Variants in TUBGCP6 observed in about 807,000 individuals in gnomAD.
The protein encoded by TUBGCP6 is gamma-tubulin complex component 6.
TUBGCP6 carries 161 observed loss-of-function variants against 175.8 expected under a neutral mutation model. That is an observed-to-expected ratio of 0.92 (90% CI 0.81 to 1.04). TUBGCP6 has a LOEUF of 1.04. Ranked by LOEUF, TUBGCP6 falls within the 50% of genes least tolerant of loss-of-function variation. The pLI, the probability that TUBGCP6 is intolerant of heterozygous loss-of-function variation, is 0.00. For missense variants in TUBGCP6, 2,572 were observed against 2,433.0 expected (o/e 1.06, Z -1.20); for synonymous variants, 1,173 against 1,030.5 (o/e 1.14, Z -2.65).
In TUBGCP6 at chr22:50,217,949, G is replaced by C. The variant is rs772441362; in HGVS notation, c.5337C>G (p.Thr1779=). The change falls in exon 24 of 25, where the codon ACC becomes ACG. Residue 1779 remains threonine (T), a synonymous_variant. Transcript: ENST00000248846. ...AGAGAAAGTGGGAGTAGTACTTGAA[G>C]GTGTTGTAGGACTGCTGCATGAGTG... The part of the protein sequence containing the change: ...NFALMQQSYN[T]FKYYSHFLFK... The C allele has an allele frequency of 1.2e-6, 2 of 1,609,122 alleles. No individual in the cohort carries two copies. The highest frequency in any genetic ancestry group is 1.7e-6 in the Non-Finnish European group (2 of 1,177,430).
rs143355923 is a variant in TUBGCP6, at chr22:50,222,039, C to T, written c.2473G>A (p.Val825Met). 3.7e-5 allele frequency: 59 copies of T among 1,613,742 alleles called. No homozygotes were observed. Among genetic ancestry groups the T allele is most frequent in the African/African-American group, 2.5e-4 (19 of 74,934 alleles). The stretch of plus-strand genomic sequence containing the variant: ...ACTCTGCCGCTTACCTGGGGGTGCA[C>T]GCTCAAGAGGACGTCTGGCGGCTCC... ...PQEPPDVLLSVHPQVTSPGPE... is the reference protein window; with the variant it reads ...PQEPPDVLLSMHPQVTSPGPE... Residue 825 changes from valine (V) to methionine (M), a missense_variant, in exon 15 of 25, where the codon GTG becomes ATG. Transcript: ENST00000248846.
chr22:50,226,435 G>A, intron 7 of TUBGCP6, 57 bp from the exon 8 acceptor site: 1 of 1,514,190 alleles, frequency 6.6e-7, no homozygotes, highest in Non-Finnish European at 9.0e-7. Flanking sequence ...GGTGGGGCGT[G>A]GCTGTCAGTG....
rs183909336 is a variant in TUBGCP6, at chr22:50,220,038, G to A, written c.4109-23C>T. 4.7e-4 allele frequency: 755 copies of A among 1,611,888 alleles called. 2 individuals are homozygous for A. The Middle Eastern group carries it at 9.7e-3, about 21-fold the overall frequency. The stretch of plus-strand genomic sequence containing the variant: ...GGCCTGTGTGGACACAAGTGGACAC[G>A]AGGGCATCAGGGCCGAGTGCCTGTG... On this transcript the variant is annotated intron_variant, in intron 16 of 24. Transcript: ENST00000248846.
intron 2 of TUBGCP6, among the ~76,000 whole-genome samples, chr22:50,236,114 G>C (rs192278680): frequency 2.0e-5 from 3 of 151,834 alleles, no homozygotes; most frequent in African/African-American, 7.3e-5. Flanking sequence ...AAAACCGTAA[G>C]AGATGGATAC....
chr22:50,242,864 C>A (rs2064856993), intron 1 of TUBGCP6, among the ~76,000 whole-genome samples: 1 of 152,170 alleles, frequency 6.6e-6, no homozygotes, highest in Non-Finnish European at 1.5e-5. Flanking sequence ...TAACGATATA[C>A]CCCATTAGGT....
At chr22:50,240,139 C>T (rs1452599082) in intron 2 of TUBGCP6, 65 bp downstream of exon 2, 1 of 1,601,912 alleles carries the variant, frequency 6.2e-7, no homozygotes, top group East Asian at 2.3e-5. Context: ...CCCACACACC[C>T]CATCCAAGGC....
chr22:50,225,558 C>G (rs2147186928), intron 10 of TUBGCP6, among the ~76,000 whole-genome samples: 1 of 144,032 alleles, frequency 6.9e-6, no homozygotes, highest in Non-Finnish European at 1.5e-5. Context: ...TGGCATCTGG[C>G]TCCGGACATT....
intron 2 of TUBGCP6, among the ~76,000 whole-genome samples, chr22:50,234,142 C>T (rs370524063): frequency 8.0e-5 from 12 of 150,278 alleles, no homozygotes; most frequent in East Asian, 4.0e-4. Context: ...ATCCACACCC[C>T]TATCCACAGC....
intron 13 of TUBGCP6, chr22:50,223,780 CAAAAAA>C (rs34989677): frequency 1.7e-4 from 11 of 64,304 alleles, no homozygotes; most frequent in East Asian, 4.9e-4. Context: ...ACTCTGTTTC[CAAAAAA>C]AAAAAAAAAA....
At chr22:50,233,629 T>G (rs1247776100) in intron 2 of TUBGCP6, 103 bp from the exon 3 acceptor site, 8 of 1,152,192 alleles carry the variant, frequency 6.9e-6, no homozygotes, top group Admixed American at 2.2e-5. Context: ...AGAATGGAAG[T>G]GATTCAAAAC....
chr22:50,222,235 T>C, intron 14 of TUBGCP6, 133 bp from the exon 15 acceptor site: 1 of 1,166,650 alleles, frequency 8.6e-7, no homozygotes, highest in African/African-American at 1.5e-5. Flanking sequence ...TGGGCTCCAG[T>C]GGGACGCTGG....
intron 10 of TUBGCP6, among the ~76,000 whole-genome samples, 176 bp downstream of exon 10, chr22:50,225,597 TTCATCTCAACTCCCCGTTGAC>T (rs2064594192): frequency 1.5e-5 from 1 of 64,932 alleles, no homozygotes; most frequent in Non-Finnish European, 3.1e-5. Context: ...GCACCCACCC[TTCATCTCAACTCCCCGTTGAC>T]ACCCACCCTT....
At chr22:50,224,614 CA>C in intron 10 of TUBGCP6, 22 bp from the exon 11 acceptor site, 2 of 1,612,346 alleles carry the variant, frequency 1.2e-6, no homozygotes, top group Non-Finnish European at 1.7e-6. Context: ...AACTGGTAAT[CA>C]AAGCATCCTG....
At position 50,220,317 on chromosome 22, in the gene TUBGCP6, A is replaced by G. The variant is rs1209695042; in HGVS notation, c.4042T>C (p.Ser1348Pro). The change falls in exon 16 of 25, where the codon TCA becomes CCA. Residue 1348 changes from serine to proline, a missense_variant. Ser to Pro is a moderately conservative substitution (Grantham distance 74). Transcript: ENST00000248846. ...CATGGTTGGGTGGGAGCCACGTCTG[A>G]CACGTTCTCCCCCACGCTGATGCTC... ...EGSISVGENV[S>P]DVAPTQPWWP... 1 of 1,576,664 alleles carries G rather than the reference A, an allele frequency of 6.3e-7. No homozygotes were observed. Among genetic ancestry groups the G allele is most frequent in the Non-Finnish European group, 8.6e-7 (1 of 1,157,180 alleles).
rs73187278 is a variant in TUBGCP6 at position 50,244,017 on chromosome 22, T to A, written c.443A>T (p.Tyr148Phe). ...HVGRNVPYSG[Y>F]DCDDLSVFEM... The stretch of plus-strand genomic sequence containing the variant: ...AAACACACTCAGGTCGTCGCAATCA[T>A]AGCCGCTGTACGGAACGTTTCTCCC... The change falls in exon 1 of 25, where the codon TAT becomes TTT. Residue 148 changes from tyrosine to phenylalanine, a missense_variant. By Grantham distance (22) the Tyr-to-Phe change is conservative. Transcript: ENST00000248846. 2 of 1,614,050 alleles carry A rather than the reference T, an allele frequency of 1.2e-6. No homozygotes were observed. The highest frequency in any genetic ancestry group is 2.7e-5 in the African/African-American group (2 of 74,950).
chr22:50,242,508 C>G (rs2064852380), intron 1 of TUBGCP6, among the ~76,000 whole-genome samples: 1 of 152,070 alleles, frequency 6.6e-6, no homozygotes, highest in South Asian at 2.1e-4. Context: ...AAACAAAAAA[C>G]AAAACTGCTG....
chr22:50,226,966 G>A, intron 6 of TUBGCP6, 33 bp downstream of exon 6: 1 of 1,604,402 alleles, frequency 6.2e-7, no homozygotes, highest in Admixed American at 1.7e-5. Context: ...GAGCCCACCA[G>A]GCTGACACAC....
chr22:50,236,064 C>T (rs940911938), intron 2 of TUBGCP6, among the ~76,000 whole-genome samples: 2 of 151,830 alleles, frequency 1.3e-5, no homozygotes, highest in Non-Finnish European at 2.9e-5. Flanking sequence ...CTGGTTAAGA[C>T]GGTAAAAACA....
chr22:50,226,240 C>T (rs1353381743), intron 8 of TUBGCP6, 47 bp downstream of exon 8: 1 of 1,613,934 alleles, frequency 6.2e-7, no homozygotes, highest in Admixed American at 1.7e-5. Context: ...GCCCTGAACC[C>T]AGGCCCACAG....
Sources: allele counts gnomAD v4.1 joint callset (sites outside exome capture counted in the v4.1 genomes callset), GRCh38; gene constraint gnomAD v4.1.1; transcripts MANE v1.5; gene names NCBI Gene and HGNC (gene_info 2026-07-23, HGNC 2026-07-21).